SORBS2: variants seen among roughly 807,000 people sequenced by gnomAD.
SORBS2 encodes sorbin and SH3 domain containing 2.
Under a neutral mutation model 97.7 loss-of-function variants are expected in SORBS2, and 46 were observed. The ratio of observed to expected loss-of-function variants is 0.47; its 90% CI spans 0.37 to 0.60. SORBS2 has a LOEUF of 0.60. SORBS2 is among the 20% of genes least tolerant of loss of function. The probability of loss-of-function intolerance (pLI) is 0.00; values close to 1 mark genes in which losing one functional copy is unlikely to be tolerated. For missense variants in SORBS2, 1,316 were observed against 1,282.3 expected (o/e 1.03, Z -0.40); for synonymous variants, 476 against 473.4 (o/e 1.01, Z -0.07).
chr4:185,643,857 C>T (rs150069615), intron 4 of SORBS2, among the ~76,000 whole-genome samples: 1 of 152,288 alleles, frequency 6.6e-6, no homozygotes, highest in Non-Finnish European at 1.5e-5. Context: ...GACCTTGATA[C>T]CCCTCAGCGC....
intron 4 of SORBS2, among the ~76,000 whole-genome samples, chr4:185,637,588 A>G (rs1348216234): frequency 6.6e-6 from 1 of 152,178 alleles, no homozygotes; most frequent in Non-Finnish European, 1.5e-5. Flanking sequence ...TATTTTGTGC[A>G]CATTACTTAA....
chr4:185,740,954 C>T (rs186885101), intron 2 of SORBS2, among the ~76,000 whole-genome samples: 5 of 152,214 alleles, frequency 3.3e-5, no homozygotes, highest in Admixed American at 2.6e-4. Flanking sequence ...CTCAGCCCAG[C>T]ACCAACTCAG....
chr4:185,800,662 C>T (rs1561111524), intron 1 of SORBS2, among the ~76,000 whole-genome samples: 1 of 152,076 alleles, frequency 6.6e-6, no homozygotes. Context: ...CATTTCTCTC[C>T]CTCTCTCCTC....
chr4:185,919,418 T>C (rs971599160), intron 1 of SORBS2: 1 of 152,202 alleles, frequency 6.6e-6, no homozygotes, highest in Admixed American at 6.5e-5. Context: ...ATCTTAGCCA[T>C]TTCCTAGTTC....
rs181960225 is a variant in SORBS2, at chr4:185,779,409, A to G, written c.-337-4043T>C. Among the ~76,000 whole-genome samples the G allele has an allele frequency of 2.6e-5, 4 of 152,364 alleles. 1 individual carries two copies. In the East Asian group the frequency reaches 7.7e-4, roughly 29 times the overall value. ...TAAATTTTATATGAATGTTGGTTAA[A>G]TAATCAAAATATATTTGAAAAACTG... On this transcript the variant is annotated intron_variant, in intron 1 of 20. Transcript: ENST00000284776.
chr4:185,767,499 C>CAAAAAA (rs70962594), intron 2 of SORBS2, among the ~76,000 whole-genome samples: 109 of 60,664 alleles, frequency 1.8e-3, no homozygotes, highest in East Asian at 3.6e-3. Flanking sequence ...GACTCTGTCT[C>CAAAAAA]AAAAAAAAAA....
chr4:185,865,298 C>G (rs544228708), intron 1 of SORBS2, among the ~76,000 whole-genome samples: 2 of 152,130 alleles, frequency 1.3e-5, no homozygotes, highest in Non-Finnish European at 2.9e-5. Context: ...GAACAAGGGG[C>G]GGGAATTTCA....
chr4:185,807,423 T>C (rs936128842), intron 1 of SORBS2, among the ~76,000 whole-genome samples: 1 of 152,186 alleles, frequency 6.6e-6, no homozygotes, highest in Non-Finnish European at 1.5e-5. Context: ...ACCTCACCTG[T>C]ATAGGGAAGA....
intron 13 of SORBS2, 91 bp from the exon 26 acceptor site, chr4:185,589,876 TC>T: frequency 1.3e-6 from 1 of 791,726 alleles, no homozygotes; most frequent in Non-Finnish European, 2.2e-6. Flanking sequence ...CCTTTAACAT[TC>T]CTATTCTTAA....
chr4:185,647,412 C>CT (rs376002220), intron 3 of SORBS2, among the ~76,000 whole-genome samples: 36,042 of 131,648 alleles, frequency 0.27, 5,567 homozygotes, highest in African/African-American at 0.43. Context: ...AAGAAGGCTT[C>CT]TTTTTTTTTT....
intron 2 of SORBS2, among the ~76,000 whole-genome samples, chr4:185,756,882 A>T (rs1422870349): frequency 1.3e-5 from 2 of 152,122 alleles, no homozygotes; most frequent in East Asian, 3.8e-4. Flanking sequence ...CAAGTCTTTC[A>T]CATTTGCTGC....
intron 1 of SORBS2, among the ~76,000 whole-genome samples, chr4:185,852,523 G>T (rs544630629): frequency 1.3e-4 from 20 of 152,238 alleles, no homozygotes; most frequent in African/African-American, 4.3e-4. Flanking sequence ...CAGGTCATTT[G>T]GTTGTTTTGT....
chr4:185,723,456 G>A (rs1030357085), intron 2 of SORBS2, among the ~76,000 whole-genome samples: 4 of 152,188 alleles, frequency 2.6e-5, no homozygotes, highest in Admixed American at 2.0e-4. Flanking sequence ...CATGAGGTTC[G>A]TGAGAAAATA....
At chr4:185,697,793 G>A (rs2098198902) in intron 2 of SORBS2, among the ~76,000 whole-genome samples, 1 of 152,128 alleles carries the variant, frequency 6.6e-6, no homozygotes, top group African/African-American at 2.4e-5. Flanking sequence ...ACCTTGTACT[G>A]AGAAGCACAC....
At chr4:185,812,567 A>T (rs1440658413) in intron 1 of SORBS2, among the ~76,000 whole-genome samples, 2 of 152,248 alleles carry the variant, frequency 1.3e-5, no homozygotes, top group African/African-American at 4.8e-5. Flanking sequence ...CCTAACTGGA[A>T]GCATTGTCAA....
intron 1 of SORBS2, among the ~76,000 whole-genome samples, chr4:185,838,705 T>C (rs13113185): frequency 0.57 from 86,071 of 151,556 alleles, 25,015 homozygotes; most frequent in African/African-American, 0.69. Flanking sequence ...ATGTCCGCTA[T>C]CTCCTCGCAT....
chr4:185,804,388 C>T (rs368180849), intron 1 of SORBS2, among the ~76,000 whole-genome samples: 11 of 152,326 alleles, frequency 7.2e-5, no homozygotes, highest in Middle Eastern at 6.8e-3. Flanking sequence ...ACTGCTCTCT[C>T]GTGGAGGTCA....
At chr4:185,591,064 T>G (rs2095916388) in intron 13 of SORBS2, among the ~76,000 whole-genome samples, 1 of 149,616 alleles carries the variant, frequency 6.7e-6, no homozygotes, top group Admixed American at 6.6e-5. Flanking sequence ...GAAAATAATA[T>G]TTTGGTAGAA....
intron 2 of SORBS2, among the ~76,000 whole-genome samples, chr4:185,736,565 A>G (rs1269418090): frequency 6.6e-6 from 1 of 152,234 alleles, no homozygotes; most frequent in Non-Finnish European, 1.5e-5. Flanking sequence ...GGCTTCGGAC[A>G]CAATACCTTT....
Sources: allele counts gnomAD v4.1 joint callset (sites outside exome capture counted in the v4.1 genomes callset), GRCh38; gene constraint gnomAD v4.1.1; transcripts MANE v1.5; gene names NCBI Gene and HGNC (gene_info 2026-07-23, HGNC 2026-07-21).